The following CNTN5 variants were observed in gnomAD, a reference collection of about 807,000 sequenced individuals.
CNTN5 encodes contactin 5.
CNTN5 carries 77 observed loss-of-function variants against 129.1 expected under a neutral mutation model. The ratio of observed to expected loss-of-function variants is 0.60; its 90% CI spans 0.50 to 0.72. The LOEUF is 0.72. Among genes scored for constraint, CNTN5 ranks in the 30% least tolerant of loss-of-function variants. The probability of loss-of-function intolerance (pLI) is 0.00; values close to 1 mark genes in which losing one functional copy is unlikely to be tolerated. For missense variants in CNTN5, 1,478 were observed against 1,328.8 expected (o/e 1.11, Z -1.75); for synonymous variants, 509 against 465.6 (o/e 1.09, Z -1.20).
intron 1 of CNTN5, among the ~76,000 whole-genome samples, chr11:99,031,202 C>T (rs1863358018): frequency 6.6e-6 from 1 of 151,998 alleles, no homozygotes; most frequent in Admixed American, 6.6e-5. Context: ...AAACATTTTA[C>T]AATTTTTTTT....
intron 3 of CNTN5, among the ~76,000 whole-genome samples, chr11:99,650,932 A>G (rs1288605832): frequency 6.6e-6 from 1 of 151,920 alleles, no homozygotes; most frequent in African/African-American, 2.4e-5. Flanking sequence ...GTTCTTATCT[A>G]TGTCTTTCCA....
intron 7 of CNTN5, among the ~76,000 whole-genome samples, chr11:99,926,505 T>C (rs901923355): frequency 3.9e-5 from 6 of 152,164 alleles, no homozygotes; most frequent in African/African-American, 1.2e-4. Flanking sequence ...GATGGTAGTT[T>C]TATTTAAAAT....
rs200685098 is a variant in CNTN5, at chr11:99,819,504, T to G, written c.56-40T>G. On this transcript the variant is annotated intron_variant, in intron 3 of 24. Coordinates refer to ENST00000524871, the MANE Select transcript of CNTN5 (RefSeq NM_014361.4). ...TTCATAAGAAAAAAATAAACTAGTT[T>G]CCTCAAAATTCAGATTTTATTATAT... 1.2e-4 allele frequency: 188 copies of G among 1,527,524 alleles called. No homozygotes were observed. The African/African-American group carries it at 2.4e-3, about 20-fold the overall frequency. The allele number at this position is 1,527,524 out of a possible 1,614,324, so 94.6% of individuals were successfully genotyped here.
intron 3 of CNTN5, among the ~76,000 whole-genome samples, chr11:99,669,594 A>T (rs527364241): frequency 1.3e-5 from 2 of 152,088 alleles, no homozygotes; most frequent in South Asian, 4.1e-4. Flanking sequence ...GGATTACACT[A>T]TTTCCCTGTT....
Position 100,060,494 on chromosome 11 carries a change from A to G in CNTN5, c.981-718A>G, listed in dbSNP as rs557492430. Among the ~76,000 whole-genome samples, 79 of 152,154 alleles carry G rather than the reference A, an allele frequency of 5.2e-4. No individual in the cohort carries two copies. In the Middle Eastern group the frequency reaches 0.021, roughly 40 times the overall value. ...AACTGTATTTGCTATTTGGCCAGAA[A>G]ATAAGATTTGCAGTGTTGGAGGCAG... On this transcript the variant is annotated intron_variant, in intron 9 of 24. Transcript: ENST00000524871.
rs145700869 is a variant in CNTN5 at position 100,019,679 on chromosome 11, A to G, written c.980+17543A>G. Among the ~76,000 whole-genome samples, 136 of 152,110 alleles carry G rather than the reference A, an allele frequency of 8.9e-4. 3 individuals carry two copies. The East Asian group carries it at 0.021, about 24-fold the overall frequency. ...GAATGCAGATATCTTTAAAATGCTG[A>G]TTTCAATTCTTTTGGATATATACTC... is the stretch of plus-strand genomic sequence containing the variant. On this transcript the variant is annotated intron_variant, in intron 9 of 24. Transcript: ENST00000524871.
At chr11:100,285,884 G>A (rs989308459) in intron 18 of CNTN5, among the ~76,000 whole-genome samples, 10 of 152,224 alleles carry the variant, frequency 6.6e-5, no homozygotes, top group Non-Finnish European at 1.5e-4. Flanking sequence ...AGTGGGCGCA[G>A]GTCAGTGGGT....
intron 7 of CNTN5, among the ~76,000 whole-genome samples, chr11:99,949,114 T>C (rs954775208): frequency 1.3e-5 from 2 of 152,182 alleles, no homozygotes; most frequent in African/African-American, 4.8e-5. Flanking sequence ...TTCTCCCTCA[T>C]CTTACCTCGC....
chr11:100,311,721 A>T (rs1400422873), intron 21 of CNTN5, among the ~76,000 whole-genome samples: 1 of 151,962 alleles, frequency 6.6e-6, no homozygotes, highest in African/African-American at 2.4e-5. Flanking sequence ...CTGCTGGGGA[A>T]TTCAGAAAGA....
At chr11:99,711,791 T>A (rs550966958) in intron 3 of CNTN5, among the ~76,000 whole-genome samples, 1 of 152,112 alleles carries the variant, frequency 6.6e-6, no homozygotes, top group African/African-American at 2.4e-5. Context: ...TTTTTCCATG[T>A]CCCTGCAAAG....
At chr11:100,026,849 T>C (rs1460687975) in intron 9 of CNTN5, among the ~76,000 whole-genome samples, 1 of 152,164 alleles carries the variant, frequency 6.6e-6, no homozygotes, top group Non-Finnish European at 1.5e-5. Context: ...CTTGACAGTG[T>C]CTTTTACGAA....
chr11:100,069,283 GCT>G (rs1943811275), intron 10 of CNTN5, among the ~76,000 whole-genome samples: 1 of 151,982 alleles, frequency 6.6e-6, no homozygotes, highest in African/African-American at 2.4e-5. Flanking sequence ...CTTCCAAGTG[GCT>G]GGACCGATAG....
intron 20 of CNTN5, among the ~76,000 whole-genome samples, chr11:100,303,631 C>A (rs1951281785): frequency 6.6e-6 from 1 of 151,452 alleles, no homozygotes; most frequent in Admixed American, 6.6e-5. Context: ...AAAAAAATGT[C>A]CTGCTCATAT....
chr11:99,737,680 T>C (rs1485641383), intron 3 of CNTN5, among the ~76,000 whole-genome samples: 1 of 152,168 alleles, frequency 6.6e-6, no homozygotes, highest in African/African-American at 2.4e-5. Flanking sequence ...ATTTATTCTA[T>C]TTAAAATTGG....
At chr11:99,453,726 A>G (rs1160049578) in intron 2 of CNTN5, among the ~76,000 whole-genome samples, 3 of 152,182 alleles carry the variant, frequency 2.0e-5, no homozygotes, top group Admixed American at 6.6e-5. Context: ...TTTTTATATA[A>G]TGGAGCAAAA....
At chr11:99,062,903 T>C (rs1864946533) in intron 1 of CNTN5, among the ~76,000 whole-genome samples, 1 of 152,008 alleles carries the variant, frequency 6.6e-6, no homozygotes, top group Non-Finnish European at 1.5e-5. Flanking sequence ...GGCAAGGAAG[T>C]TGACAAGAAG....
chr11:99,428,371 G>A (rs1334309946), intron 2 of CNTN5, among the ~76,000 whole-genome samples: 2 of 151,736 alleles, frequency 1.3e-5, no homozygotes, highest in African/African-American at 4.8e-5. Context: ...ACCAGCCCGG[G>A]CAATATGGTG....
At chr11:99,967,632 A>T (rs1043632690) in intron 8 of CNTN5, among the ~76,000 whole-genome samples, 9 of 152,146 alleles carry the variant, frequency 5.9e-5, no homozygotes, top group African/African-American at 1.9e-4. Flanking sequence ...AGGGTAATGT[A>T]TGAGGCGCTT....
intron 1 of CNTN5, among the ~76,000 whole-genome samples, chr11:99,199,833 G>A (rs556657464): frequency 1.5e-4 from 23 of 152,260 alleles, no homozygotes; most frequent in African/African-American, 4.3e-4. Flanking sequence ...ATGTGGATTC[G>A]GGGAGAGGTG....
Sources: gnomAD v4.1 joint callset for allele counts (sites outside exome capture counted in the v4.1 genomes callset) on GRCh38, gnomAD v4.1.1 for gene constraint, MANE v1.5 for transcripts, NCBI Gene and HGNC (gene_info 2026-07-23, HGNC 2026-07-21) for gene names.